CFAP77: variants seen among roughly 807,000 people sequenced by gnomAD.
CFAP77 encodes cilia and flagella associated protein 77.
Under a neutral mutation model 31.1 loss-of-function variants are expected in CFAP77, and 25 were observed. The observed-to-expected ratio is 0.80, with a 90% confidence interval of 0.59 to 1.12. The LOEUF is 1.12. Among genes scored for constraint, CFAP77 ranks in the 50% most tolerant of loss-of-function variants. The pLI is 0.00. For synonymous variants in CFAP77, 151 were observed against 159.9 expected (o/e 0.94, Z 0.42); for missense variants, 377 against 397.3 (o/e 0.95, Z 0.44).
chr9:132,447,214 C>A (rs1018106882), intron 1 of CFAP77, among the ~76,000 whole-genome samples: 3 of 152,212 alleles, frequency 2.0e-5, no homozygotes, highest in Admixed American at 6.5e-5. Context: ...TGTTTTCCCC[C>A]CTTAAAATCA....
intron 1 of CFAP77, among the ~76,000 whole-genome samples, chr9:132,461,030 G>C (rs576041844): frequency 6.6e-6 from 1 of 152,124 alleles, no homozygotes; most frequent in South Asian, 2.1e-4. Flanking sequence ...CTGGCCAAAA[G>C]GGTCAATTTT....
At position 132,411,112 on chromosome 9, in the gene CFAP77, C is replaced by T. The variant is rs539141402; in HGVS notation, c.195+646C>T. 1.4e-3 allele frequency among the ~76,000 whole-genome samples: 218 copies of T among 152,334 alleles called. 1 individual carries two copies. Among genetic ancestry groups the T allele is most frequent in the African/African-American group, 5.1e-3 (213 of 41,586 alleles). The stretch of plus-strand genomic sequence containing the variant: ...TCCATTACACTTCCCTCCTCCCCAC[C>T]TTTAGCCTCGCTTCCCGCTGATGGG... On this transcript the variant is annotated intron_variant, in intron 1 of 5. Transcript: ENST00000393216.
intron 1 of CFAP77, among the ~76,000 whole-genome samples, chr9:132,441,837 C>T (rs1403882701): frequency 6.6e-6 from 1 of 152,210 alleles, no homozygotes; most frequent in African/African-American, 2.4e-5. Flanking sequence ...GTGTCTGCAG[C>T]GTCCACAGCC....
At chr9:132,412,122 AT>A (rs1355817860) in intron 1 of CFAP77, among the ~76,000 whole-genome samples, 1 of 152,162 alleles carries the variant, frequency 6.6e-6, no homozygotes, top group Non-Finnish European at 1.5e-5. Context: ...TCTAGGACCA[AT>A]TCAATCCCTG....
chr9:132,464,972 G>T (rs1382782991), intron 1 of CFAP77, among the ~76,000 whole-genome samples: 1 of 151,326 alleles, frequency 6.6e-6, no homozygotes, highest in Non-Finnish European at 1.5e-5. Context: ...TACTCGGGAG[G>T]TTGAGGCAGG....
At position 132,498,315 on chromosome 9, in the gene CFAP77, A is replaced by G. The variant is rs1851778584; in HGVS notation, c.196-380A>G. ...GTCTCCTTCCTTCGACGGGGCCTCC[A>G]GATGAGGCCTCCTGAACTGGGTCCT... On this transcript the variant is annotated intron_variant, in intron 1 of 5. Coordinates refer to ENST00000393216, the MANE Select transcript of CFAP77 (RefSeq NM_001282957.2). The surrounding 1 kb of genome is among the most constrained non-coding windows in gnomAD (Gnocchi z 4.2). Among the ~76,000 whole-genome samples the G allele has an allele frequency of 6.6e-6, 1 of 152,180 alleles. No homozygotes were observed. Among genetic ancestry groups the G allele is most frequent in the Non-Finnish European group, 1.5e-5 (1 of 68,028 alleles).
intron 5 of CFAP77, among the ~76,000 whole-genome samples, chr9:132,544,114 C>G (rs997607873): frequency 6.6e-6 from 1 of 152,156 alleles, no homozygotes; most frequent in African/African-American, 2.4e-5. Context: ...GAGCCTAATG[C>G]ACTCGAACAG....
chr9:132,452,275 C>G (rs1217814177), intron 1 of CFAP77, among the ~76,000 whole-genome samples: 1 of 152,212 alleles, frequency 6.6e-6, no homozygotes, highest in Admixed American at 6.5e-5. Flanking sequence ...GTGCCTTGAC[C>G]AGAGCATCCA....
In CFAP77 at chr9:132,531,593, C is replaced by T. The variant is rs546818311; in HGVS notation, c.525-6008C>T. 1.1e-3 allele frequency among the ~76,000 whole-genome samples: 152 copies of T among 140,050 alleles called. 1 individual carries two copies. Among genetic ancestry groups the T allele is most frequent in the African/African-American group, 4.0e-3 (136 of 34,034 alleles). 91.9% of individuals were successfully genotyped at this position (140,050 alleles called of 152,430 possible). ...GGAGCCGCTGGAAGGGACCTGCGGCCCGGGCAATGAGTCTGGGCTTAGGCT... is the reference window on the plus strand; with the variant it reads ...GGAGCCGCTGGAAGGGACCTGCGGCTCGGGCAATGAGTCTGGGCTTAGGCT... On this transcript the variant is annotated intron_variant, in intron 3 of 5. Coordinates refer to ENST00000393216, the MANE Select transcript of CFAP77 (RefSeq NM_001282957.2).
At chr9:132,478,071 G>C (rs550582515) in intron 1 of CFAP77, among the ~76,000 whole-genome samples, 1 of 152,170 alleles carries the variant, frequency 6.6e-6, no homozygotes, top group South Asian at 2.1e-4. Flanking sequence ...GATATGGTTT[G>C]GCTCTGTGTC....
At position 132,497,637 on chromosome 9, in the gene CFAP77, T is replaced by G. The variant is rs138888866; in HGVS notation, c.196-1058T>G. Among the ~76,000 whole-genome samples the G allele has an allele frequency of 6.6e-6, 1 of 152,234 alleles. No homozygotes were observed. Among genetic ancestry groups the G allele is most frequent in the Non-Finnish European group, 1.5e-5 (1 of 67,998 alleles). On this transcript the variant is annotated intron_variant, in intron 1 of 5. Coordinates refer to ENST00000393216, the MANE Select transcript of CFAP77 (RefSeq NM_001282957.2). This position sits in a 1 kb window ranked among gnomAD's most constrained non-coding sequence, Gnocchi z 4.9. ...TGGGTTCCAGTCCCAGCTCTGCCAC[T>G]TCCTACTGCTTGACCTGAGGCAACC...
At chr9:132,515,299 C>T (rs1045372242) in intron 3 of CFAP77, among the ~76,000 whole-genome samples, 1 of 152,290 alleles carries the variant, frequency 6.6e-6, no homozygotes, top group Non-Finnish European at 1.5e-5. Context: ...AATGCAACTT[C>T]TTATTCAGGC....
chr9:132,458,034 T>G (rs1850953220), intron 1 of CFAP77, among the ~76,000 whole-genome samples: 1 of 152,142 alleles, frequency 6.6e-6, no homozygotes, highest in Admixed American at 6.5e-5. Flanking sequence ...CCCTCCCTCG[T>G]CATATTTTAT....
At chr9:132,503,968 G>A (rs887778200) in intron 3 of CFAP77, among the ~76,000 whole-genome samples, 8 of 152,154 alleles carry the variant, frequency 5.3e-5, no homozygotes, top group Non-Finnish European at 8.8e-5. Flanking sequence ...GAACCTGGGC[G>A]GTGGAGGTTG....
chr9:132,532,953 C>G (rs536464746), intron 3 of CFAP77, among the ~76,000 whole-genome samples: 1 of 152,104 alleles, frequency 6.6e-6, no homozygotes, highest in Non-Finnish European at 1.5e-5. Context: ...CTTGGGAGGC[C>G]GAGAATATCA....
chr9:132,482,304 T>C, intron 1 of CFAP77: 2 of 1,611,560 alleles, frequency 1.2e-6, no homozygotes, highest in South Asian at 2.2e-5. Flanking sequence ...TGCATTTCTT[T>C]CGTAGGCTGC....
intron 1 of CFAP77, among the ~76,000 whole-genome samples, chr9:132,435,782 C>T (rs189039021): frequency 3.5e-4 from 53 of 152,312 alleles, no homozygotes; most frequent in Middle Eastern, 3.4e-3. Flanking sequence ...GGGCACCCCA[C>T]GGCCCACCTT....
intron 4 of CFAP77, among the ~76,000 whole-genome samples, chr9:132,538,442 C>G (rs1852584486): frequency 6.6e-6 from 1 of 152,230 alleles, no homozygotes; most frequent in South Asian, 2.1e-4. Context: ...GGTTTTTTAG[C>G]AGGAAGGAAA....
chr9:132,522,384 G>T (rs1428905817), intron 3 of CFAP77, among the ~76,000 whole-genome samples: 1 of 152,152 alleles, frequency 6.6e-6, no homozygotes, highest in Admixed American at 6.5e-5. Context: ...ACCTCTCTGG[G>T]CTTCGCTTCC....
Sources: gnomAD v4.1 joint callset for allele counts (sites outside exome capture counted in the v4.1 genomes callset) on GRCh38, gnomAD v4.1.1 for gene constraint, Gnocchi (gnomAD v3.1) non-coding constraint, MANE v1.5 for transcripts, NCBI Gene and HGNC (gene_info 2026-07-23, HGNC 2026-07-21) for gene names.